Variants in IRAK1BP1 observed in about 807,000 individuals in gnomAD.
The protein encoded by IRAK1BP1 is interleukin 1 receptor associated kinase 1 binding protein 1, also known as interleukin-1 receptor-associated kinase 1-binding protein 1.
In IRAK1BP1, 24 loss-of-function variants were observed where a neutral mutation model predicts 28.0. That is an observed-to-expected ratio of 0.86 (90% confidence interval 0.62 to 1.20). The LOEUF (loss-of-function observed/expected upper bound fraction) is 1.20, where lower values mean the gene tolerates loss of function less well. Among genes scored for constraint, IRAK1BP1 ranks in the 50% most tolerant of loss-of-function variants. The probability of loss-of-function intolerance (pLI) is 0.00; values close to 1 mark genes in which losing one functional copy is unlikely to be tolerated. For synonymous variants in IRAK1BP1, 131 were observed against 116.3 expected (o/e 1.13, Z -0.81); for missense variants, 336 against 316.7 (o/e 1.06, Z -0.46).
chr6:78,972,503 C>T, the IRAK1BP1 span, among the ~76,000 whole-genome samples: 5 of 152,168 alleles, frequency 3.3e-5, no homozygotes, highest in Non-Finnish European at 5.9e-5. Flanking sequence ...AGCTCCTCAC[C>T]AGCAATGGAA....
At chr6:78,945,633 T>C (rs1773771574) in exon 5 of IRAK1BP1, 1 of 655,502 alleles carries the variant, frequency 1.5e-6, no homozygotes, top group South Asian at 2.0e-5. Flanking sequence ...GGAAAGCTAC[T>C]TTCTAATAGG....
chr6:78,976,658 T>A, the IRAK1BP1 span, among the ~76,000 whole-genome samples: 3 of 146,028 alleles, frequency 2.1e-5, no homozygotes, highest in African/African-American at 7.6e-5. Context: ...GAATCTACAA[T>A]GAACTCAAAC....
chr6:78,878,204 T>TA (rs1324315729), intron 1 of IRAK1BP1, among the ~76,000 whole-genome samples: 1 of 151,902 alleles, frequency 6.6e-6, no homozygotes, highest in African/African-American at 2.4e-5. Context: ...CTCAAGAGGG[T>TA]CTCTGACCCC....
the IRAK1BP1 span, among the ~76,000 whole-genome samples, chr6:78,962,237 A>C: frequency 6.6e-6 from 1 of 152,252 alleles, no homozygotes; most frequent in South Asian, 2.1e-4. Flanking sequence ...ATTCTGTGAA[A>C]TATTAGACAA....
chr6:78,944,459 A>G (rs918559572), intron 4 of IRAK1BP1, among the ~76,000 whole-genome samples: 3 of 152,204 alleles, frequency 2.0e-5, no homozygotes, highest in African/African-American at 7.2e-5. Context: ...AAATAGTCCA[A>G]GCAAGAAATT....
At chr6:78,965,639 CTTAAATAATTT>C in the IRAK1BP1 span, 1 of 918,954 alleles carries the variant, frequency 1.1e-6, no homozygotes, top group Non-Finnish European at 1.7e-6. Context: ...GTTAGCAAAT[CTTAAATAATTT>C]CTTAAGAAAT....
At chr6:78,879,726 A>G (rs1233465130) in intron 1 of IRAK1BP1, among the ~76,000 whole-genome samples, 1 of 152,064 alleles carries the variant, frequency 6.6e-6, no homozygotes, top group Non-Finnish European at 1.5e-5. Flanking sequence ...AGAAAAGACA[A>G]GAGTGACATC....
intron 1 of IRAK1BP1, among the ~76,000 whole-genome samples, chr6:78,874,895 G>A (rs1283621597): frequency 1.3e-5 from 2 of 152,116 alleles, no homozygotes; most frequent in African/African-American, 2.4e-5. Flanking sequence ...AGACAAATGG[G>A]ACTTAATTAA....
downstream of IRAK1BP1, among the ~76,000 whole-genome samples, chr6:78,950,278 T>TCTA (rs1264343375): frequency 3.3e-5 from 5 of 152,226 alleles, no homozygotes; most frequent in African/African-American, 1.2e-4. Flanking sequence ...ATTCCTGAAT[T>TCTA]CTATTTGCTG....
intron 1 of IRAK1BP1, among the ~76,000 whole-genome samples, chr6:78,872,516 G>A (rs1358089494): frequency 6.6e-6 from 1 of 152,170 alleles, no homozygotes; most frequent in Non-Finnish European, 1.5e-5. Context: ...TTTGGATTTT[G>A]GAAGTTGTGG....
At chr6:78,961,028 C>T in the IRAK1BP1 span, among the ~76,000 whole-genome samples, 2 of 152,012 alleles carry the variant, frequency 1.3e-5, no homozygotes, top group African/African-American at 4.8e-5. Context: ...AAACTAAAAA[C>T]AGGATTCCAT....
downstream of IRAK1BP1, among the ~76,000 whole-genome samples, chr6:78,950,576 T>A (rs560478446): frequency 1.3e-5 from 2 of 152,320 alleles, no homozygotes; most frequent in South Asian, 4.1e-4. Flanking sequence ...GTTTATACTT[T>A]GAATATCGGT....
the IRAK1BP1 span, among the ~76,000 whole-genome samples, chr6:78,955,435 T>A: frequency 7.9e-5 from 12 of 151,878 alleles, no homozygotes; most frequent in Non-Finnish European, 1.6e-4. Flanking sequence ...GTTCCCCCCA[T>A]TAAAAAATTT....
chr6:78,903,935 C>G, downstream of IRAK1BP1, among the ~76,000 whole-genome samples: 1 of 152,054 alleles, frequency 6.6e-6, no homozygotes, highest in East Asian at 1.9e-4. Context: ...TTTTATCTTC[C>G]CCTTCACAAG....
At chr6:78,911,496 C>CA (rs1326268896) in intron 4 of IRAK1BP1, among the ~76,000 whole-genome samples, 1 of 152,002 alleles carries the variant, frequency 6.6e-6, no homozygotes, top group Non-Finnish European at 1.5e-5. Flanking sequence ...TTTTATTGTG[C>CA]AAAAACATCA....
intron 2 of IRAK1BP1, among the ~76,000 whole-genome samples, chr6:78,897,523 T>C (rs1259244459): frequency 6.6e-6 from 1 of 152,154 alleles, no homozygotes; most frequent in Non-Finnish European, 1.5e-5. Flanking sequence ...ATGCTAGTTA[T>C]CAGGATTAAA....
At chr6:78,934,025 CTTCTA>C (rs1041785259) in intron 4 of IRAK1BP1, among the ~76,000 whole-genome samples, 5 of 152,124 alleles carry the variant, frequency 3.3e-5, no homozygotes, top group African/African-American at 1.2e-4. Context: ...ACTTGAGACT[CTTCTA>C]TTCACTTGAA....
chr6:78,960,232 T>G, the IRAK1BP1 span, among the ~76,000 whole-genome samples: 1 of 152,180 alleles, frequency 6.6e-6, no homozygotes, highest in East Asian at 1.9e-4. Flanking sequence ...ACTTTAGCAA[T>G]TATCATGTTG....
intron 4 of IRAK1BP1, among the ~76,000 whole-genome samples, chr6:78,933,116 A>C (rs1773112878): frequency 6.6e-6 from 1 of 152,104 alleles, no homozygotes. Context: ...ATTAGCCCCC[A>C]ATGAGAGCCT....
Sources: allele counts gnomAD v4.1 joint callset (sites outside exome capture counted in the v4.1 genomes callset), GRCh38; gene constraint gnomAD v4.1.1; transcripts MANE v1.5; gene names NCBI Gene and HGNC (gene_info 2026-07-23, HGNC 2026-07-21).